The following S100Z variants were observed in gnomAD, a reference collection of about 807,000 sequenced individuals.
S100Z encodes the protein protein S100-Z.
Under a neutral mutation model 8.5 loss-of-function variants are expected in S100Z, and 11 were observed. The ratio of observed to expected loss-of-function variants is 1.30; its 90% CI spans 0.82 to 2.15. The LOEUF (loss-of-function observed/expected upper bound fraction) is 2.15. Among genes scored for constraint, S100Z ranks in the 30% most tolerant of loss-of-function variants. The pLI, the probability that S100Z is intolerant of heterozygous loss-of-function variation, is 0.00. For missense variants in S100Z, 126 were observed against 117.9 expected (o/e 1.07, Z -0.32); for synonymous variants, 34 against 43.8 (o/e 0.78, Z 0.89).
intron 4 of S100Z, among the ~76,000 whole-genome samples, chr5:76,912,862 G>T (rs1230315664): frequency 6.9e-6 from 1 of 145,676 alleles, no homozygotes; most frequent in Non-Finnish European, 1.5e-5. Context: ...GAGAGGAAGA[G>T]ACAGACACAA....
intron 1 of S100Z, among the ~76,000 whole-genome samples, chr5:76,867,152 G>C (rs1379472490): frequency 6.6e-6 from 1 of 152,120 alleles, no homozygotes; most frequent in Non-Finnish European, 1.5e-5. Flanking sequence ...ACTTTGGTAA[G>C]TTTGACATCT....
chr5:76,858,883 G>C (rs555343948), intron 1 of S100Z, among the ~76,000 whole-genome samples: 52 of 152,300 alleles, frequency 3.4e-4, no homozygotes, highest in African/African-American at 1.2e-3. Context: ...GGCCCAGGCA[G>C]GCAGATCATT....
downstream of S100Z, among the ~76,000 whole-genome samples, chr5:76,923,655 A>G (rs1226228022): frequency 6.6e-6 from 1 of 152,146 alleles, no homozygotes; most frequent in African/African-American, 2.4e-5. Flanking sequence ...TTGAGATGGG[A>G]GAGGTTTCCT....
the S100Z span, among the ~76,000 whole-genome samples, chr5:76,950,182 TG>T: frequency 6.6e-6 from 1 of 152,212 alleles, no homozygotes; most frequent in African/African-American, 2.4e-5. Context: ...ATCTAAAGCA[TG>T]GATTAGTGAT....
chr5:76,939,022 A>T, the S100Z span, among the ~76,000 whole-genome samples: 4 of 152,164 alleles, frequency 2.6e-5, no homozygotes, highest in African/African-American at 9.7e-5. Context: ...TTTCTTTAGG[A>T]TCATATTTTC....
downstream of S100Z, among the ~76,000 whole-genome samples, chr5:76,924,307 A>G (rs1745097697): frequency 6.6e-6 from 1 of 152,172 alleles, no homozygotes; most frequent in East Asian, 1.9e-4. Flanking sequence ...TTTTTAGGTA[A>G]TCATCCTCCT....
At position 76,866,998 on chromosome 5, in the gene S100Z, A is replaced by T. The variant is rs114872351; in HGVS notation, c.-175-3168A>T. 8.8e-3 allele frequency among the ~76,000 whole-genome samples: 1,346 copies of T among 152,144 alleles called. 15 individuals are homozygous for T. The highest frequency in any genetic ancestry group is 0.031 in the African/African-American group (1,297 of 41,500). ...TAATTTTAAATGGCTGCATGATTTT[A>T]TCTTTTGTCAGACAAGCATGGGTCT... is the stretch of plus-strand genomic sequence containing the variant. On this transcript the variant is annotated intron_variant, in intron 1 of 4. Transcript: ENST00000317593.
intron 4 of S100Z, among the ~76,000 whole-genome samples, chr5:76,907,011 T>TATATATAC (rs1744474769): frequency 9.2e-6 from 1 of 108,700 alleles, no homozygotes; most frequent in Admixed American, 8.8e-5. Context: ...TATATATATA[T>TATATATAC]ATATATATAT....
At chr5:76,951,822 C>T in the S100Z span, among the ~76,000 whole-genome samples, 1 of 152,120 alleles carries the variant, frequency 6.6e-6, no homozygotes, top group Non-Finnish European at 1.5e-5. Flanking sequence ...GACTGTGGCA[C>T]GAAGGCCTCC....
At chr5:76,902,029 G>A (rs1037297906) in intron 4 of S100Z, among the ~76,000 whole-genome samples, 1 of 152,088 alleles carries the variant, frequency 6.6e-6, no homozygotes, top group African/African-American at 2.4e-5. Context: ...CTGGAATGAG[G>A]GCCTCTCAAC....
chr5:76,869,835 A>C (rs1742941577), intron 1 of S100Z, among the ~76,000 whole-genome samples: 1 of 152,138 alleles, frequency 6.6e-6, no homozygotes, highest in African/African-American at 2.4e-5. Flanking sequence ...CCTAGCCAAC[A>C]TGGTGAAACC....
At chr5:76,912,128 G>A (rs1216807223) in intron 4 of S100Z, among the ~76,000 whole-genome samples, 1 of 152,160 alleles carries the variant, frequency 6.6e-6, no homozygotes, top group Admixed American at 6.5e-5. Context: ...TACAAGGAAA[G>A]GATCTCACTG....
chr5:76,934,034 G>A, the S100Z span, among the ~76,000 whole-genome samples: 1 of 152,174 alleles, frequency 6.6e-6, no homozygotes, highest in Non-Finnish European at 1.5e-5. Flanking sequence ...CCATGTTGTA[G>A]TATCCCATTA....
At chr5:76,876,384 T>C (rs1580011006) in intron 3 of S100Z, among the ~76,000 whole-genome samples, 2 of 151,896 alleles carry the variant, frequency 1.3e-5, no homozygotes, top group African/African-American at 2.4e-5. Context: ...TTTTTTTTTT[T>C]CGGAGATGGA....
chr5:76,947,423 T>C, the S100Z span, among the ~76,000 whole-genome samples: 2 of 152,262 alleles, frequency 1.3e-5, no homozygotes, highest in Non-Finnish European at 2.9e-5. Flanking sequence ...TCTTCCTTCC[T>C]GATCTCAAAC....
chr5:76,909,644 C>A (rs551853873), intron 4 of S100Z, among the ~76,000 whole-genome samples: 1 of 152,296 alleles, frequency 6.6e-6, no homozygotes, highest in Admixed American at 6.5e-5. Context: ...GCAAAGAAAT[C>A]TCCAAATGAT....
chr5:76,859,735 T>TGC (rs1255979649), intron 1 of S100Z, among the ~76,000 whole-genome samples: 2 of 130,880 alleles, frequency 1.5e-5, no homozygotes, highest in Non-Finnish European at 3.1e-5. Context: ...GGGCCAAGAT[T>TGC]GCGCCACTGC....
chr5:76,864,289 C>A (rs549967843), intron 1 of S100Z, among the ~76,000 whole-genome samples: 1 of 151,452 alleles, frequency 6.6e-6, no homozygotes, highest in East Asian at 1.9e-4. Context: ...TGTAAACAAA[C>A]CTGCTGTGTT....
chr5:76,931,186 A>G, the S100Z span, among the ~76,000 whole-genome samples: 5 of 150,330 alleles, frequency 3.3e-5, no homozygotes, highest in Admixed American at 1.3e-4. Context: ...GCTCACTGCT[A>G]CCTCCACTTC....
Sources: allele counts gnomAD v4.1 joint callset (sites outside exome capture counted in the v4.1 genomes callset), GRCh38; gene constraint gnomAD v4.1.1; transcripts MANE v1.5; gene names NCBI Gene and HGNC (gene_info 2026-07-23, HGNC 2026-07-21).